MCF2L2: variants seen among roughly 807,000 people sequenced by gnomAD.
MCF2L2 encodes probable guanine nucleotide exchange factor MCF2L2.
Under a neutral mutation model 150.2 loss-of-function variants are expected in MCF2L2, and 102 were observed. That is an observed-to-expected ratio of 0.68 (90% CI 0.58 to 0.80). The LOEUF is 0.80. Among genes scored for constraint, MCF2L2 ranks in the 30% least tolerant of loss-of-function variants. The probability of loss-of-function intolerance (pLI) is 0.00; values close to 1 mark genes in which losing one functional copy is unlikely to be tolerated. For missense variants in MCF2L2, 1,256 were observed against 1,372.8 expected (o/e 0.91, Z 1.34); for synonymous variants, 465 against 491.3 (o/e 0.95, Z 0.71).
intron 3 of MCF2L2, among the ~76,000 whole-genome samples, chr3:183,366,902 A>G (rs1164562750): frequency 6.6e-6 from 1 of 152,222 alleles, no homozygotes; most frequent in Non-Finnish European, 1.5e-5. Flanking sequence ...GCAAGATAGT[A>G]ATAATGCAAT....
chr3:183,339,970 T>A (rs886409177), intron 4 of MCF2L2, among the ~76,000 whole-genome samples: 2 of 152,196 alleles, frequency 1.3e-5, no homozygotes, highest in Non-Finnish European at 2.9e-5. Flanking sequence ...AGATTACTCA[T>A]GTATTATGTA....
chr3:183,261,914 C>T (rs1180024995), intron 15 of MCF2L2, among the ~76,000 whole-genome samples: 1 of 146,092 alleles, frequency 6.8e-6, no homozygotes, highest in Non-Finnish European at 1.5e-5. Context: ...GAACACAATC[C>T]ATTCATGGTT....
chr3:183,222,183 T>C (rs1348296963), intron 20 of MCF2L2, among the ~76,000 whole-genome samples: 1 of 152,164 alleles, frequency 6.6e-6, no homozygotes, highest in African/African-American at 2.4e-5. Context: ...GGGGTAACTT[T>C]TTCTGAGGGG....
At chr3:183,345,119 C>A (rs1329123677) in intron 3 of MCF2L2, among the ~76,000 whole-genome samples, 1 of 152,170 alleles carries the variant, frequency 6.6e-6, no homozygotes, top group Non-Finnish European at 1.5e-5. Flanking sequence ...AATATACATT[C>A]TTCTCAGCAC....
At chr3:183,368,016 A>T (rs1712643363) in intron 3 of MCF2L2, among the ~76,000 whole-genome samples, 1 of 152,144 alleles carries the variant, frequency 6.6e-6, no homozygotes, top group South Asian at 2.1e-4. Context: ...CTAAATCCTA[A>T]TCAAGCCCTA....
intron 1 of MCF2L2, among the ~76,000 whole-genome samples, chr3:183,404,115 A>G (rs1220202984): frequency 6.6e-6 from 1 of 152,204 alleles, no homozygotes; most frequent in Non-Finnish European, 1.5e-5. Context: ...AAACTTAAGA[A>G]AGGTTTAATA....
chr3:183,276,396 A>G (rs1240875033), intron 15 of MCF2L2, among the ~76,000 whole-genome samples: 3 of 152,234 alleles, frequency 2.0e-5, no homozygotes, highest in Non-Finnish European at 4.4e-5. Context: ...GATTCTGAGT[A>G]TAAATATTTT....
At chr3:183,246,201 A>T (rs1246878947) in intron 15 of MCF2L2, among the ~76,000 whole-genome samples, 1 of 152,194 alleles carries the variant, frequency 6.6e-6, no homozygotes, top group Non-Finnish European at 1.5e-5. Context: ...AGATATGCAT[A>T]AAATTTACTA....
At chr3:183,367,971 A>G (rs1223482086) in intron 3 of MCF2L2, among the ~76,000 whole-genome samples, 1 of 152,240 alleles carries the variant, frequency 6.6e-6, no homozygotes, top group Non-Finnish European at 1.5e-5. Flanking sequence ...ACTGCATGAC[A>G]TGGTGGAACA....
Position 183,178,999 on chromosome 3 carries a change from T to G in MCF2L2, c.*381A>C. 5.5e-6 allele frequency: 1 copy of G among 180,826 alleles called. No homozygotes were observed. Among genetic ancestry groups the G allele is most frequent in the African/African-American group, 2.3e-5 (1 of 42,774 alleles). The allele number at this position is 180,826 out of a possible 1,614,324, so 11.2% of individuals were successfully genotyped here. A position where few individuals can be genotyped will look rare whatever the true frequency, so the allele number is the denominator to read the frequency against. On this transcript the variant is annotated 3_prime_UTR_variant, in exon 30 of 30. Transcript: ENST00000328913. ...CACGATTTGGGGGCGGGGTGGAGGA[T>G]GGGGTGGCGCATTCCTGGCACCTAG...
intron 5 of MCF2L2, among the ~76,000 whole-genome samples, chr3:183,338,391 G>A (rs1318028432): frequency 2.0e-5 from 3 of 149,042 alleles, no homozygotes; most frequent in Non-Finnish European, 4.4e-5. Context: ...AGGTTGTGGT[G>A]AGCCGAGATT....
chr3:183,371,437 G>T (rs1187113313), intron 3 of MCF2L2, among the ~76,000 whole-genome samples: 1 of 149,826 alleles, frequency 6.7e-6, no homozygotes, highest in African/African-American at 2.5e-5. Context: ...GAGACAAAAG[G>T]TTGCAGTCTT....
intron 7 of MCF2L2, among the ~76,000 whole-genome samples, chr3:183,317,097 T>C (rs995201486): frequency 6.6e-6 from 1 of 152,182 alleles, no homozygotes; most frequent in African/African-American, 2.4e-5. Flanking sequence ...ATTACTAGAC[T>C]CTGAGACTCT....
At chr3:183,304,741 T>C (rs1729020162) in intron 10 of MCF2L2, among the ~76,000 whole-genome samples, 1 of 151,884 alleles carries the variant, frequency 6.6e-6, no homozygotes. Flanking sequence ...CCCAAAGTGC[T>C]AGGATTACAG....
At chr3:183,386,179 C>T (rs570459875) in intron 2 of MCF2L2, among the ~76,000 whole-genome samples, 62 of 152,278 alleles carry the variant, frequency 4.1e-4, no homozygotes, top group African/African-American at 1.4e-3. Context: ...GGGTTTGGAG[C>T]CACCTACTGG....
At chr3:183,307,768 A>C (rs779230251) in intron 10 of MCF2L2, among the ~76,000 whole-genome samples, 1 of 152,268 alleles carries the variant, frequency 6.6e-6, no homozygotes, top group African/African-American at 2.4e-5. Context: ...TGTTCCACTG[A>C]GAATAAAATT....
At chr3:183,302,661 C>A (rs1228755789) in intron 10 of MCF2L2, among the ~76,000 whole-genome samples, 1 of 152,108 alleles carries the variant, frequency 6.6e-6, no homozygotes, top group African/African-American at 2.4e-5. Flanking sequence ...CCGAGAGATA[C>A]GGCTTACGGC....
At chr3:183,263,100 AGAGT>A (rs936954570) in intron 15 of MCF2L2, among the ~76,000 whole-genome samples, 7 of 152,124 alleles carry the variant, frequency 4.6e-5, no homozygotes, top group African/African-American at 1.4e-4. Flanking sequence ...AGTGTACTAT[AGAGT>A]GAGTATCCTG....
chr3:183,271,153 G>T (rs903447574), intron 15 of MCF2L2: 5 of 420,950 alleles, frequency 1.2e-5, no homozygotes, highest in East Asian at 4.2e-5. Flanking sequence ...TTTAGAAAAG[G>T]TTTATATTAT....
Sources: gnomAD v4.1 joint callset for allele counts (sites outside exome capture counted in the v4.1 genomes callset) on GRCh38, gnomAD v4.1.1 for gene constraint, MANE v1.5 for transcripts, NCBI Gene and HGNC (gene_info 2026-07-23, HGNC 2026-07-21) for gene names.